Variants in PCDHA2 observed in about 807,000 individuals in gnomAD.
The protein encoded by PCDHA2 is protocadherin alpha 2.
PCDHA2 carries 58 observed loss-of-function variants against 66.0 expected under a neutral mutation model. That is an observed-to-expected ratio of 0.88 (90% CI 0.71 to 1.09). The LOEUF (loss-of-function observed/expected upper bound fraction) is 1.09. Among genes scored for constraint, PCDHA2 ranks in the 50% least tolerant of loss-of-function variants. PCDHA2 has a pLI of 0.00. For missense variants in PCDHA2, 1,267 were observed against 1,242.3 expected, an observed-to-expected ratio of 1.02 and a Z score of -0.30; for synonymous variants, 634 against 554.0, an observed-to-expected ratio of 1.14 and a Z score of -2.03.
intron 1 of PCDHA2, chr5:140,829,711 G>T (rs2150173108): frequency 1.9e-6 from 3 of 1,613,460 alleles, no homozygotes; most frequent in Non-Finnish European, 1.7e-6. Flanking sequence ...CGCGCGACGC[G>T]GGCGTGCCGC....
At chr5:140,835,791 C>T in intron 1 of PCDHA2, 1 of 1,613,176 alleles carries the variant, frequency 6.2e-7, no homozygotes, top group Non-Finnish European at 8.5e-7. Flanking sequence ...GAACAACCCG[C>T]CGGGCTGCCA....
At chr5:140,950,219 C>G (rs1173605199) in intron 1 of PCDHA2, among the ~76,000 whole-genome samples, 4 of 151,898 alleles carry the variant, frequency 2.6e-5, no homozygotes, top group African/African-American at 9.7e-5. Flanking sequence ...TAGTCATTTA[C>G]CATTTCTAGT....
chr5:140,875,655 G>C, intron 1 of PCDHA2: 1 of 1,613,724 alleles, frequency 6.2e-7, no homozygotes, highest in Middle Eastern at 1.7e-4. Context: ...AGCTGGTGCC[G>C]CGCCTGTTCC....
intron 1 of PCDHA2, among the ~76,000 whole-genome samples, chr5:140,915,164 G>T (rs782783727): frequency 2.6e-5 from 4 of 152,026 alleles, no homozygotes; most frequent in Non-Finnish European, 4.4e-5. Flanking sequence ...GGCCAGGATA[G>T]TCTCGATCTC....
intron 1 of PCDHA2, chr5:140,870,539 G>C (rs367673976): frequency 1.2e-5 from 20 of 1,614,040 alleles, no homozygotes; most frequent in Admixed American, 1.7e-5. Context: ...GTGTCGGCGC[G>C]GGACGCGGAC....
intron 1 of PCDHA2, among the ~76,000 whole-genome samples, chr5:140,977,142 T>C (rs781987643): frequency 6.6e-6 from 1 of 152,236 alleles, no homozygotes; most frequent in Non-Finnish European, 1.5e-5. Context: ...TCAGTCCTGC[T>C]GGAACTGTGC....
chr5:140,838,073 ATATAGTGT>A (rs1457215249), intron 1 of PCDHA2, among the ~76,000 whole-genome samples: 9 of 126,836 alleles, frequency 7.1e-5, no homozygotes, highest in Admixed American at 1.7e-4. Context: ...AGTTATATAT[ATATAGTGT>A]GTGTGTGTGT....
chr5:140,876,743 T>G, intron 1 of PCDHA2: 5 of 1,614,200 alleles, frequency 3.1e-6, no homozygotes, highest in Non-Finnish European at 4.2e-6. Flanking sequence ...TATGAGCTGG[T>G]GGTGACTGCG....
intron 1 of PCDHA2, chr5:140,815,731 A>G (rs1403515863): frequency 6.6e-6 from 1 of 152,166 alleles, no homozygotes; most frequent in African/African-American, 2.4e-5. Flanking sequence ...ATTTTAACTC[A>G]AAAGGCCCCC....
At chr5:140,885,677 T>C (rs1554182236) in intron 1 of PCDHA2, among the ~76,000 whole-genome samples, 1 of 152,208 alleles carries the variant, frequency 6.6e-6, no homozygotes, top group African/African-American at 2.4e-5. Context: ...ACTCTTTCTA[T>C]CTCAAGAAGC....
chr5:140,989,733 C>T (rs31874), intron 3 of PCDHA2, among the ~76,000 whole-genome samples: 120,660 of 152,102 alleles, frequency 0.79, 48,852 homozygotes, highest in East Asian at 0.98. Context: ...GTTGAAAAGG[C>T]CATTGCCTAA....
intron 1 of PCDHA2, among the ~76,000 whole-genome samples, chr5:140,965,508 T>C (rs1278735339): frequency 6.6e-6 from 1 of 152,124 alleles, no homozygotes; most frequent in Non-Finnish European, 1.5e-5. Context: ...TTTTTTTTTT[T>C]TTTAACTGCA....
chr5:140,837,715 C>T (rs894661038), intron 1 of PCDHA2, among the ~76,000 whole-genome samples: 4 of 151,402 alleles, frequency 2.6e-5, no homozygotes, highest in Admixed American at 1.3e-4. Context: ...ACTCCATCAC[C>T]CAGGCTGCTG....
intron 1 of PCDHA2, chr5:140,927,853 G>T: frequency 6.2e-7 from 1 of 1,614,214 alleles, no homozygotes; most frequent in Non-Finnish European, 8.5e-7. Context: ...CTTTGGTTTA[G>T]CTAGCACCGC....
At chr5:140,834,851 C>G (rs2150227943) in intron 1 of PCDHA2, 1 of 1,610,676 alleles carries the variant, frequency 6.2e-7, no homozygotes. Context: ...CACTAGAGGG[C>G]GCGTCCGATG....
intron 1 of PCDHA2, chr5:140,866,780 G>C (rs1327991487): frequency 6.6e-6 from 1 of 152,092 alleles, no homozygotes; most frequent in Admixed American, 6.6e-5. Flanking sequence ...TGTATGTCCT[G>C]ACTGATATAG....
intron 3 of PCDHA2, among the ~76,000 whole-genome samples, chr5:141,007,375 A>G (rs2098319986): frequency 6.8e-6 from 1 of 146,418 alleles, no homozygotes; most frequent in Non-Finnish European, 1.5e-5. Context: ...ACATGATGGA[A>G]CACCATCTCT....
At chr5:140,807,866 C>A (rs782155979) in intron 1 of PCDHA2, 1 of 1,614,132 alleles carries the variant, frequency 6.2e-7, no homozygotes, top group Non-Finnish European at 8.5e-7. Context: ...TGGCACCGTT[C>A]AGTTACTCAT....
chr5:140,906,243 A>T (rs2072484346), intron 1 of PCDHA2, among the ~76,000 whole-genome samples: 1 of 152,190 alleles, frequency 6.6e-6, no homozygotes, highest in South Asian at 2.1e-4. Flanking sequence ...GTCAACTTGA[A>T]CCCATACACA....
Sources: allele counts gnomAD v4.1 joint callset (sites outside exome capture counted in the v4.1 genomes callset), GRCh38; gene constraint gnomAD v4.1.1; transcripts MANE v1.5; gene names NCBI Gene and HGNC (gene_info 2026-07-23, HGNC 2026-07-21).